ABLIM2: variants seen among roughly 807,000 people sequenced by gnomAD.
The protein encoded by ABLIM2 is actin binding LIM protein family member 2.
In ABLIM2, 53 loss-of-function variants were observed where a neutral mutation model predicts 97.7. That is an observed-to-expected ratio of 0.54 (90% CI 0.44 to 0.68). The LOEUF is 0.68. ABLIM2 is among the 30% of genes least tolerant of loss of function. ABLIM2 has a pLI of 0.00. For synonymous variants in ABLIM2, 361 were observed against 345.8 expected (o/e 1.04, Z -0.49); for missense variants, 835 against 867.2 (o/e 0.96, Z 0.47).
chr4:8,014,224 T>C (rs913504332), intron 14 of ABLIM2, among the ~76,000 whole-genome samples: 2 of 152,234 alleles, frequency 1.3e-5, no homozygotes, highest in Admixed American at 6.5e-5. Context: ...GGGAAGGAGC[T>C]GATAGCAACT....
rs1216228139 is a variant in ABLIM2 at position 8,001,842 on chromosome 4, G to A, written c.1618+6217C>T. 6.6e-6 allele frequency among the ~76,000 whole-genome samples: 1 copy of A among 152,084 alleles called. No homozygotes were observed. The highest frequency in any genetic ancestry group is 2.4e-5 in the African/African-American group (1 of 41,396). The stretch of plus-strand genomic sequence containing the variant: ...TCTCCTGGCTTTCTCCCTCCTGGGC[G>A]CTCCTCCCCACTTCCTCTGTGGAAT... On this transcript the variant is annotated intron_variant, in intron 16 of 20. Transcript: ENST00000447017. This position sits in a 1 kb window ranked among gnomAD's most constrained non-coding sequence, Gnocchi z 4.2.
At chr4:7,979,040 C>T (rs1158746744) in intron 20 of ABLIM2, among the ~76,000 whole-genome samples, 1 of 152,230 alleles carries the variant, frequency 6.6e-6, no homozygotes, top group Non-Finnish European at 1.5e-5. Flanking sequence ...TGCTGGGCTT[C>T]TCCACCCACC....
intron 20 of ABLIM2, among the ~76,000 whole-genome samples, chr4:7,980,341 A>T (rs1037750888): frequency 3.3e-5 from 5 of 152,214 alleles, no homozygotes; most frequent in Non-Finnish European, 5.9e-5. Flanking sequence ...ACTCTAGTAT[A>T]GCATCACATG....
chr4:8,122,879 A>G lies in ABLIM2; in HGVS notation c.11-16242T>C, dbSNP rs529731687. On this transcript the variant is annotated intron_variant, in intron 1 of 20. Transcript: ENST00000447017. This position sits in a 1 kb window ranked among gnomAD's most constrained non-coding sequence, Gnocchi z 4.1. ...ACCCTGGCCTTTTCCACCATGCCCCACCGCGTGGATGAGGGGATGGGAGAG... is the reference window on the plus strand; with the variant it reads ...ACCCTGGCCTTTTCCACCATGCCCCGCCGCGTGGATGAGGGGATGGGAGAG... Among the ~76,000 whole-genome samples, 204 of 152,014 alleles carry G rather than the reference A, an allele frequency of 1.3e-3. No individual in the cohort carries two copies. The highest frequency in any genetic ancestry group is 4.7e-3 in the African/African-American group (193 of 41,460).
chr4:8,029,545 G>C, intron 11 of ABLIM2, 111 bp downstream of exon 11: 1 of 1,238,228 alleles, frequency 8.1e-7, no homozygotes, highest in Non-Finnish European at 1.0e-6. Flanking sequence ...CATATTTCCA[G>C]TTGTATAAGA....
rs535348237 is a variant in ABLIM2 at position 8,122,976 on chromosome 4, T to C, written c.11-16339A>G. Among the ~76,000 whole-genome samples, 30 of 152,192 alleles carry C rather than the reference T, an allele frequency of 2.0e-4. No homozygotes were observed. The highest frequency in any genetic ancestry group is 7.0e-4 in the African/African-American group (29 of 41,530). On this transcript the variant is annotated intron_variant, in intron 1 of 20. Transcript: ENST00000447017. This position sits in a 1 kb window ranked among gnomAD's most constrained non-coding sequence, Gnocchi z 4.1. ...TGGGACCTGACCAGTGTGGGACGTC[T>C]TCCCGGAGGTCGTGCCTGCCTCCCC...
At chr4:8,103,556 G>A (rs148057030) in intron 2 of ABLIM2, among the ~76,000 whole-genome samples, 13 of 152,366 alleles carry the variant, frequency 8.5e-5, no homozygotes, top group South Asian at 2.1e-4. Context: ...TCTTGGCACT[G>A]GGCCTGCCCT....
intron 14 of ABLIM2, 104 bp from the exon 15 acceptor site, chr4:8,009,206 C>G (rs1763283971): frequency 1.4e-6 from 2 of 1,418,184 alleles, no homozygotes; most frequent in Non-Finnish European, 2.0e-6. Flanking sequence ...AAAAATCAAT[C>G]AAAGAGAAGG....
chr4:8,065,748 AC>A (rs1172783227), intron 6 of ABLIM2, among the ~76,000 whole-genome samples: 1 of 151,922 alleles, frequency 6.6e-6, no homozygotes. Flanking sequence ...ACATGGTGAA[AC>A]GCCATCTCTA....
chr4:8,112,743 T>G lies in ABLIM2; in HGVS notation c.11-6106A>C, dbSNP rs1840962650. Among the ~76,000 whole-genome samples the G allele has an allele frequency of 1.3e-5, 2 of 152,116 alleles. No homozygotes were observed. The highest frequency in any genetic ancestry group is 6.5e-5 in the Admixed American group (1 of 15,278). On this transcript the variant is annotated intron_variant, in intron 1 of 20. Coordinates refer to ENST00000447017, the MANE Select transcript of ABLIM2 (RefSeq NM_001130083.2). This position sits in a 1 kb window ranked among gnomAD's most constrained non-coding sequence, Gnocchi z 4.2. ...TGTTCCATACCATGCCCCACAGGAATGGTCAGTCATCCTCATCTCACGGAT... is the reference window on the plus strand; with the variant it reads ...TGTTCCATACCATGCCCCACAGGAAGGGTCAGTCATCCTCATCTCACGGAT...
chr4:8,135,702 T>C (rs10020136), intron 1 of ABLIM2, among the ~76,000 whole-genome samples: 4,297 of 152,270 alleles, frequency 0.028, 196 homozygotes, highest in African/African-American at 0.098. Flanking sequence ...GTGGCCCCAG[T>C]GGATGAAGAC....
At chr4:8,136,022 G>A (rs1279506767) in intron 1 of ABLIM2, among the ~76,000 whole-genome samples, 1 of 152,214 alleles carries the variant, frequency 6.6e-6, no homozygotes, top group Non-Finnish European at 1.5e-5. Context: ...CACAGCAGCA[G>A]AATCTCCACC....
In ABLIM2 at chr4:8,077,246, C is replaced by A. The variant is rs139714758; in HGVS notation, c.675+382G>T. 3.9e-3 allele frequency among the ~76,000 whole-genome samples: 594 copies of A among 152,296 alleles called. 3 individuals carry two copies. Among genetic ancestry groups the A allele is most frequent in the African/African-American group, 0.014 (563 of 41,570 alleles). ...GCTCCCCCTGCATAATTGCTATCTGCCCTGCCTCCCGGGCGACCCCGCTGT... is the reference window on the plus strand; with the variant it reads ...GCTCCCCCTGCATAATTGCTATCTGACCTGCCTCCCGGGCGACCCCGCTGT... On this transcript the variant is annotated intron_variant, in intron 6 of 20. Coordinates refer to ENST00000447017, the MANE Select transcript of ABLIM2 (RefSeq NM_001130083.2).
chr4:8,060,940 G>T, intron 7 of ABLIM2, 27 bp downstream of exon 7: 1 of 1,545,692 alleles, frequency 6.5e-7, no homozygotes, highest in Non-Finnish European at 8.8e-7. Context: ...TGCTCTAGGG[G>T]ACCAAACAAC....
At chr4:8,142,409 T>A (rs1851126881) in intron 1 of ABLIM2, among the ~76,000 whole-genome samples, 1 of 152,196 alleles carries the variant, frequency 6.6e-6, no homozygotes, top group African/African-American at 2.4e-5. Flanking sequence ...TGCATTACGA[T>A]GACTCTCCAC....
chr4:8,026,046 T>A (rs539805794), intron 12 of ABLIM2, among the ~76,000 whole-genome samples: 1 of 152,314 alleles, frequency 6.6e-6, no homozygotes, highest in East Asian at 1.9e-4. Flanking sequence ...CTTACTCTGT[T>A]GTCCAGGCTG....
Position 8,130,516 on chromosome 4 carries a change from T to C in ABLIM2, c.11-23879A>G, listed in dbSNP as rs1190102166. Among the ~76,000 whole-genome samples the C allele has an allele frequency of 1.3e-5, 2 of 151,964 alleles. No homozygotes were observed. The highest frequency in any genetic ancestry group is 2.9e-5 in the Non-Finnish European group (2 of 67,978). Reference sequence around the variant, plus strand: ...CACAGCTTTTTAGAATATCAAGTTGTCTAAGCTTCCCCGAGACACTGTGAG... The same window carrying C: ...CACAGCTTTTTAGAATATCAAGTTGCCTAAGCTTCCCCGAGACACTGTGAG... On this transcript the variant is annotated intron_variant, in intron 1 of 20. Transcript: ENST00000447017. This position sits in a 1 kb window ranked among gnomAD's most constrained non-coding sequence, Gnocchi z 4.2.
chr4:8,125,111 G>T lies in ABLIM2; in HGVS notation c.11-18474C>A, dbSNP rs377448825. Among the ~76,000 whole-genome samples the T allele has an allele frequency of 1.4e-4, 22 of 152,282 alleles. No homozygotes were observed. The South Asian group carries it at 3.9e-3, about 27-fold the overall frequency. On this transcript the variant is annotated intron_variant, in intron 1 of 20. Transcript: ENST00000447017. The surrounding 1 kb of genome is among the most constrained non-coding windows in gnomAD (Gnocchi z 6.2). ...GGATGAGAGTTATTCGTATATTCGAGATACAAGTCCCGTGTCAGCTTGCTA... is the reference window on the plus strand; with the variant it reads ...GGATGAGAGTTATTCGTATATTCGATATACAAGTCCCGTGTCAGCTTGCTA...
chr4:8,059,875 C>A (rs932412953), intron 7 of ABLIM2, among the ~76,000 whole-genome samples: 1 of 149,828 alleles, frequency 6.7e-6, no homozygotes, highest in Admixed American at 6.6e-5. Context: ...CACTGCACTT[C>A]CAGCCTGGGC....
Sources: allele counts gnomAD v4.1 joint callset (sites outside exome capture counted in the v4.1 genomes callset), GRCh38; gene constraint gnomAD v4.1.1; non-coding constraint Gnocchi (gnomAD v3.1); transcripts MANE v1.5; gene names NCBI Gene and HGNC (gene_info 2026-07-23, HGNC 2026-07-21).